ABCA12: variants seen among roughly 807,000 people sequenced by gnomAD.
ABCA12 encodes the protein glucosylceramide transporter ABCA12.
Under a neutral mutation model 293.5 loss-of-function variants are expected in ABCA12, and 156 were observed. The observed-to-expected ratio is 0.53, with a 90% CI of 0.47 to 0.61. The LOEUF (loss-of-function observed/expected upper bound fraction) is 0.61, where lower values mean the gene tolerates loss of function less well. Among genes scored for constraint, ABCA12 ranks in the 20% least tolerant of loss-of-function variants. ABCA12 has a pLI of 0.00. For missense variants in ABCA12, 2,797 were observed against 3,090.2 expected (o/e 0.91, Z 2.25); for synonymous variants, 1,063 against 1,108.0 (o/e 0.96, Z 0.81).
At chr2:214,977,727 A>G (rs1217385983) in intron 33 of ABCA12, among the ~76,000 whole-genome samples, 1 of 152,180 alleles carries the variant, frequency 6.6e-6, no homozygotes, top group Non-Finnish European at 1.5e-5. Flanking sequence ...GAGGAAATCT[A>G]CTATTACAGA....
chr2:215,115,265 A>G (rs900798625), intron 1 of ABCA12, among the ~76,000 whole-genome samples: 2 of 152,198 alleles, frequency 1.3e-5, no homozygotes, highest in African/African-American at 4.8e-5. Flanking sequence ...AGCCCTCTAC[A>G]CTATGGTCTC....
chr2:215,006,242 T>TC (rs2105995320), intron 19 of ABCA12, among the ~76,000 whole-genome samples: 1 of 152,232 alleles, frequency 6.6e-6, no homozygotes, highest in South Asian at 2.1e-4. Context: ...GGCTTTTTTT[T>TC]CTCCTCCTGG....
Position 215,019,684 on chromosome 2 carries a change from C to A in ABCA12, c.1400G>T (p.Ser467Ile). ...DMSFGSLCEE[S>I]EFDLQLLEAA... Reference sequence around the variant, plus strand: ...TTCGAGGAGTTGCAGATCAAACTCACTTTCTTCACACAGGCTCCCAAAGCT... The same window carrying A: ...TTCGAGGAGTTGCAGATCAAACTCAATTTCTTCACACAGGCTCCCAAAGCT... The change falls in exon 12 of 53, where the codon AGT becomes ATT. Residue 467 changes from serine to isoleucine, a missense_variant. Physicochemically the swap from Ser to Ile is moderately radical, Grantham distance 142 (BLOSUM62 -2). Coordinates refer to ENST00000272895, the MANE Select transcript of ABCA12 (RefSeq NM_173076.3). 1 of 1,614,180 alleles carries A rather than the reference C, an allele frequency of 6.2e-7. No homozygotes were observed. The highest frequency in any genetic ancestry group is 8.5e-7 in the Non-Finnish European group (1 of 1,180,024).
At chr2:214,993,428 C>T (rs1042530267) in intron 23 of ABCA12, among the ~76,000 whole-genome samples, 4 of 152,306 alleles carry the variant, frequency 2.6e-5, no homozygotes, top group South Asian at 2.1e-4. Flanking sequence ...CAATTCTTTG[C>T]GTGTACCCTA....
chr2:215,137,898 G>A, intron 1 of ABCA12, among the ~76,000 whole-genome samples: 1 of 147,268 alleles, frequency 6.8e-6, no homozygotes, highest in Non-Finnish European at 1.5e-5. Context: ...TTTTTTTTTT[G>A]CCCAGGGCAT....
At chr2:215,013,088 C>G (rs1186869990) in intron 15 of ABCA12, 5 of 152,098 alleles carry the variant, frequency 3.3e-5, no homozygotes, top group African/African-American at 1.2e-4. Flanking sequence ...GTGTTCCCAG[C>G]ACTGGGTGAG....
chr2:215,071,416 T>C (rs1225038078), intron 2 of ABCA12, among the ~76,000 whole-genome samples: 2 of 151,490 alleles, frequency 1.3e-5, no homozygotes, highest in African/African-American at 4.9e-5. Context: ...AAATAATTAA[T>C]AATAAACAAA....
chr2:214,984,090 A>C (rs1699731704), intron 28 of ABCA12, among the ~76,000 whole-genome samples: 1 of 96,824 alleles, frequency 1.0e-5, no homozygotes, highest in Non-Finnish European at 2.0e-5. Context: ...AAAAACGATC[A>C]GGCCTTTTTT....
rs527263846 is a variant in ABCA12 at position 215,000,022 on chromosome 2, T to C, written c.3179+683A>G. On this transcript the variant is annotated intron_variant, in intron 22 of 52. Transcript: ENST00000272895. The stretch of plus-strand genomic sequence containing the variant: ...TATAGGAAGGTGAGCTTGAAAACCA[T>C]AATCTGCTTATTTTTTAACCATCTA... 1.1e-4 allele frequency among the ~76,000 whole-genome samples: 17 copies of C among 152,350 alleles called. No homozygotes were observed. In the South Asian group the frequency reaches 3.3e-3, roughly 30 times the overall value.
intron 2 of ABCA12, chr2:215,085,527 C>G (rs1240341718): frequency 6.6e-6 from 1 of 152,186 alleles, no homozygotes; most frequent in Non-Finnish European, 1.5e-5. Context: ...CTCCTGGGTA[C>G]AGTGAGTGCT....
At chr2:215,105,590 C>T (rs1575047366) in intron 2 of ABCA12, among the ~76,000 whole-genome samples, 1 of 137,646 alleles carries the variant, frequency 7.3e-6, no homozygotes, top group Admixed American at 7.1e-5. Context: ...CACACACACA[C>T]ACACACACAC....
At chr2:214,989,138 C>T (rs1231181867) in intron 26 of ABCA12, among the ~76,000 whole-genome samples, 191 bp downstream of exon 26, 3 of 121,014 alleles carry the variant, frequency 2.5e-5, no homozygotes, top group Non-Finnish European at 5.1e-5. Context: ...GAGATCACGC[C>T]ACTGCACTCC....
At chr2:215,071,419 TAAAC>T (rs1367084570) in intron 2 of ABCA12, among the ~76,000 whole-genome samples, 1 of 151,406 alleles carries the variant, frequency 6.6e-6, no homozygotes, top group African/African-American at 2.4e-5. Context: ...TAATTAATAA[TAAAC>T]AAACATAAAC....
At chr2:215,122,776 A>G (rs1702834648) in intron 1 of ABCA12, among the ~76,000 whole-genome samples, 1 of 152,202 alleles carries the variant, frequency 6.6e-6, no homozygotes, top group South Asian at 2.1e-4. Context: ...TGATGTGCCT[A>G]TTTAGGAACC....
chr2:215,045,850 G>A lies in ABCA12; in HGVS notation c.859C>T (p.Arg287Ter), dbSNP rs11891778. 2.5e-6 allele frequency: 4 copies of A among 1,612,798 alleles called. No individual in the cohort carries two copies. Among genetic ancestry groups the A allele is most frequent in the South Asian group, 1.1e-5 (1 of 90,976 alleles). Residue 287 changes from arginine (R) to a stop codon, truncating the protein, a stop_gained, in exon 7 of 53, where the codon CGA (arginine) becomes TGA (stop). Transcript: ENST00000272895. LOFTEE classifies it high-confidence loss of function. Reference protein sequence around the residue: ...TSLSNLFDVLRKANSVLLVVQ... With the variant: ...TSLSNLFDVL ...ACATTTTCTTACCTGTTTGCCTTTCGAAGAACATCAAATAGATTGCTTAGT... is the reference window on the plus strand; with the variant it reads ...ACATTTTCTTACCTGTTTGCCTTTCAAAGAACATCAAATAGATTGCTTAGT...
chr2:215,137,996 G>A, intron 1 of ABCA12, 144 bp downstream of exon 1: 2 of 865,556 alleles, frequency 2.3e-6, no homozygotes, highest in Non-Finnish European at 4.0e-6. Flanking sequence ...AAGACAGATA[G>A]GGGGATGAAT....
intron 14 of ABCA12, among the ~76,000 whole-genome samples, chr2:215,016,481 G>C (rs1002253951): frequency 1.3e-5 from 2 of 148,766 alleles, no homozygotes; most frequent in Non-Finnish European, 3.0e-5. Flanking sequence ...TACTCGGGAG[G>C]CTGAGGCAGG....
In ABCA12 at chr2:214,951,498, C is replaced by G. The variant is rs367750738; in HGVS notation, c.6648-415G>C. 2.3e-4 allele frequency among the ~76,000 whole-genome samples: 35 copies of G among 152,310 alleles called. No homozygotes were observed. In the South Asian group the frequency reaches 6.8e-3, roughly 30 times the overall value. On this transcript the variant is annotated intron_variant, in intron 44 of 52. Transcript: ENST00000272895. ...ATCCTTTCATCCAGGTGTAGTGGCT[C>G]ACACCTATAATCCCAGCACTTTGAG...
intron 30 of ABCA12, 64 bp from the exon 31 acceptor site, chr2:214,980,707 G>C: frequency 1.3e-5 from 21 of 1,592,344 alleles, no homozygotes; most frequent in Non-Finnish European, 1.7e-5. Flanking sequence ...AAGACACACA[G>C]AGTTGGCCAG....
Sources: gnomAD v4.1 joint callset for allele counts (sites outside exome capture counted in the v4.1 genomes callset) on GRCh38, gnomAD v4.1.1 for gene constraint, MANE v1.5 for transcripts, NCBI Gene and HGNC (gene_info 2026-07-23, HGNC 2026-07-21) for gene names.